The following FHIT variants were observed in gnomAD, a reference collection of about 807,000 sequenced individuals.
FHIT encodes the protein bis(5'-adenosyl)-triphosphatase.
In FHIT, 19 loss-of-function variants were observed where a neutral mutation model predicts 17.9. That is an observed-to-expected ratio of 1.06 (90% CI 0.74 to 1.56). The LOEUF is 1.56. Ranked by LOEUF, FHIT falls within the 40% of genes most tolerant of loss-of-function variation. The pLI, the probability that FHIT is intolerant of heterozygous loss-of-function variation, is 0.00. For missense variants in FHIT, 248 were observed against 189.2 expected, an observed-to-expected ratio of 1.31 and a Z score of -1.82; for synonymous variants, 81 against 69.7, an observed-to-expected ratio of 1.16 and a Z score of -0.81.
At chr3:60,206,072 G>C (rs1206670512) in intron 5 of FHIT, among the ~76,000 whole-genome samples, 5 of 149,808 alleles carry the variant, frequency 3.3e-5, no homozygotes, top group Non-Finnish European at 7.4e-5. Context: ...GGCGGAGCTT[G>C]CAGTGAGCCG....
intron 3 of FHIT, among the ~76,000 whole-genome samples, chr3:61,015,362 C>T (rs1300664589): frequency 1.3e-5 from 2 of 152,108 alleles, no homozygotes; most frequent in Non-Finnish European, 2.9e-5. Context: ...CAGTGAGGGG[C>T]TGAGGGAGAT....
At chr3:60,604,231 G>A (rs1378869681) in intron 4 of FHIT, among the ~76,000 whole-genome samples, 2 of 152,124 alleles carry the variant, frequency 1.3e-5, no homozygotes, top group African/African-American at 4.8e-5. Context: ...GAAAAAACTG[G>A]CAGAACCACG....
intron 5 of FHIT, among the ~76,000 whole-genome samples, chr3:60,315,558 C>G (rs563838043): frequency 1.4e-4 from 22 of 152,312 alleles, no homozygotes; most frequent in African/African-American, 5.1e-4. Flanking sequence ...AAGGTACGCT[C>G]TAGCATCCAG....
In FHIT at chr3:60,378,155, T is replaced by C. The variant is rs571203146; in HGVS notation, c.103+158705A>G. Among the ~76,000 whole-genome samples, 17 of 151,436 alleles carry C rather than the reference T, an allele frequency of 1.1e-4. No homozygotes were observed. The Middle Eastern group carries it at 0.017, about 151-fold the overall frequency. On this transcript the variant is annotated intron_variant, in intron 5 of 9. Transcript: ENST00000492590. ...CATTTTCCCGCCTCAGCCTCCCGAG[T>C]AGCTGGGACTACAGACGCCTGCCAC...
At chr3:60,439,630 A>G (rs909234243) in intron 5 of FHIT, among the ~76,000 whole-genome samples, 1 of 152,008 alleles carries the variant, frequency 6.6e-6, no homozygotes, top group East Asian at 1.9e-4. Flanking sequence ...ATACTCCTAA[A>G]TACCAGAACA....
In FHIT at chr3:60,673,413, GAACAGAAAACCA is replaced by G. The variant is rs1419306008; in HGVS notation, c.-17-136446_-17-136435del. On this transcript the variant is annotated intron_variant, in intron 4 of 9. Coordinates refer to ENST00000492590, the MANE Select transcript of FHIT (RefSeq NM_002012.4). ...GATCATCCTCAACAAGCTAACACAG[GAACAGAAAACCA>G]AACACTGCATGTTCTCACTCATAAG... 2.1e-4 allele frequency among the ~76,000 whole-genome samples: 32 copies of G among 152,018 alleles called. 1 individual carries two copies. Among genetic ancestry groups the G allele is most frequent in the Admixed American group, 6.6e-4 (10 of 15,256 alleles).
rs1708179336 is a variant in FHIT, at chr3:59,971,483, A to G, written c.279+39888T>C. 2.9e-5 allele frequency among the ~76,000 whole-genome samples: 4 copies of G among 138,810 alleles called. No homozygotes were observed. The South Asian group carries it at 1.1e-3, about 37-fold the overall frequency. 91.1% of individuals were successfully genotyped at this position (138,810 alleles called of 152,430 possible). A position where few individuals can be genotyped will look rare whatever the true frequency, so the allele number is the denominator to read the frequency against. ...GCTGATAGATAGAACCTAAGGTTTC[A>G]TGGGTTCATAAACTCTCTTTTTTTG... On this transcript the variant is annotated intron_variant, in intron 7 of 9. Coordinates refer to ENST00000492590, the MANE Select transcript of FHIT (RefSeq NM_002012.4).
At chr3:60,683,337 T>A (rs1177226790) in intron 4 of FHIT, among the ~76,000 whole-genome samples, 3 of 152,172 alleles carry the variant, frequency 2.0e-5, no homozygotes, top group Non-Finnish European at 4.4e-5. Flanking sequence ...GCCACTGATG[T>A]TGAAAACTTT....
intron 4 of FHIT, among the ~76,000 whole-genome samples, chr3:60,770,034 A>G (rs1208434361): frequency 6.6e-6 from 1 of 152,186 alleles, no homozygotes; most frequent in African/African-American, 2.4e-5. Context: ...CAGTTGGGAA[A>G]TGAAGTTCCT....
chr3:60,800,427 T>G (rs1701147289), intron 4 of FHIT, among the ~76,000 whole-genome samples: 1 of 152,128 alleles, frequency 6.6e-6, no homozygotes, highest in Non-Finnish European at 1.5e-5. Context: ...ATTGATATCA[T>G]TGGCAGCCTT....
intron 4 of FHIT, among the ~76,000 whole-genome samples, chr3:60,575,090 TC>T (rs1308479525): frequency 3.3e-5 from 5 of 152,080 alleles, no homozygotes; most frequent in African/African-American, 9.7e-5. Flanking sequence ...GAGTTTTCCT[TC>T]TGGCAGGTAA....
chr3:59,972,318 T>G (rs1474255510), intron 7 of FHIT, among the ~76,000 whole-genome samples: 2 of 152,070 alleles, frequency 1.3e-5, no homozygotes, highest in Non-Finnish European at 2.9e-5. Context: ...AGTAAGAATA[T>G]TATTGCCAGC....
chr3:61,160,366 T>C (rs1055887962), intron 2 of FHIT, among the ~76,000 whole-genome samples: 23 of 152,166 alleles, frequency 1.5e-4, no homozygotes, highest in African/African-American at 5.5e-4. Context: ...GAGGAAAAAA[T>C]AAATGTATTT....
chr3:60,906,437 T>G (rs1424831417), intron 3 of FHIT, among the ~76,000 whole-genome samples: 1 of 152,202 alleles, frequency 6.6e-6, no homozygotes. Context: ...ATCTATCTAA[T>G]CTACCTATCG....
Position 60,379,264 on chromosome 3 carries a change from A to G in FHIT, c.103+157596T>C, listed in dbSNP as rs1700704282. ...TAAATACATCCTTCCATCCAAAAAG[A>G]GAAGCATTCTTCCCAGATAATTCCC... On this transcript the variant is annotated intron_variant, in intron 5 of 9. Coordinates refer to ENST00000492590, the MANE Select transcript of FHIT (RefSeq NM_002012.4). 1.3e-5 allele frequency among the ~76,000 whole-genome samples: 2 copies of G among 152,136 alleles called. 1 individual carries two copies. The highest frequency in any genetic ancestry group is 4.2e-4 in the South Asian group (2 of 4,818).
At chr3:60,727,125 A>C (rs2041931955) in intron 4 of FHIT, among the ~76,000 whole-genome samples, 1 of 152,222 alleles carries the variant, frequency 6.6e-6, no homozygotes, top group Non-Finnish European at 1.5e-5. Context: ...ATTCTTAAAT[A>C]AAAACCATTA....
intron 4 of FHIT, among the ~76,000 whole-genome samples, chr3:60,562,124 G>A (rs771078211): frequency 1.3e-5 from 2 of 152,010 alleles, no homozygotes; most frequent in African/African-American, 2.4e-5. Context: ...GGGATACAAC[G>A]GTTAATGAGA....
chr3:61,169,429 A>G (rs757930460), intron 2 of FHIT, among the ~76,000 whole-genome samples: 4 of 152,330 alleles, frequency 2.6e-5, no homozygotes, highest in Middle Eastern at 3.4e-3. Flanking sequence ...GTTCATTTTT[A>G]TACCTATATG....
intron 5 of FHIT, among the ~76,000 whole-genome samples, chr3:60,220,721 G>A (rs1178373280): frequency 1.3e-5 from 2 of 152,090 alleles, no homozygotes; most frequent in East Asian, 3.9e-4. Flanking sequence ...ATGCATGGTG[G>A]CAACAAAAAT....
Sources: allele counts gnomAD v4.1 joint callset (sites outside exome capture counted in the v4.1 genomes callset), GRCh38; gene constraint gnomAD v4.1.1; transcripts MANE v1.5; gene names NCBI Gene and HGNC (gene_info 2026-07-23, HGNC 2026-07-21).